The following LRBA variants were observed in gnomAD, a reference collection of about 807,000 sequenced individuals.
LRBA encodes the protein lipopolysaccharide-responsive and beige-like anchor protein.
In LRBA, 176 loss-of-function variants were observed where a neutral mutation model predicts 330.0. The ratio of observed to expected loss-of-function variants is 0.53; its 90% CI spans 0.47 to 0.60. LRBA has a LOEUF of 0.60. Among genes scored for constraint, LRBA ranks in the 20% least tolerant of loss-of-function variants. LRBA has a pLI of 0.00. For synonymous variants in LRBA, 1,230 were observed against 1,193.0 expected (o/e 1.03, Z -0.64); for missense variants, 3,259 against 3,444.8 (o/e 0.95, Z 1.35).
In LRBA at chr4:150,881,326, T is replaced by C. The variant is rs372210923; in HGVS notation, c.2166-8571A>G. 4.7e-3 allele frequency among the ~76,000 whole-genome samples: 710 copies of C among 152,304 alleles called. 7 individuals are homozygous for C. Among genetic ancestry groups the C allele is most frequent in the African/African-American group, 0.016 (677 of 41,552 alleles). The stretch of plus-strand genomic sequence containing the variant: ...GTAATACATATACACCAAAGAATAC[T>C]ACACAGCCATAAAAATAAACCAAAA... On this transcript the variant is annotated intron_variant, in intron 17 of 56. Transcript: ENST00000651943.
rs556224477 is a variant in LRBA, at chr4:150,946,769, T to C, written c.217-17704A>G. On this transcript the variant is annotated intron_variant, in intron 2 of 56. Transcript: ENST00000651943. ...AAGCAGAAGTCAGTGAAGTAGAAAG[T>C]AGGAAAACAATAATCAATGAAGAGC... is the stretch of plus-strand genomic sequence containing the variant. 9.9e-5 allele frequency among the ~76,000 whole-genome samples: 15 copies of C among 151,816 alleles called. No individual in the cohort carries two copies. The East Asian group carries it at 2.7e-3, about 27-fold the overall frequency.
rs185715554 is a variant in LRBA at position 150,967,672 on chromosome 4, G to A, written c.217-38607C>T. 1.6e-4 allele frequency among the ~76,000 whole-genome samples: 24 copies of A among 152,290 alleles called. 1 individual carries two copies. The highest frequency in any genetic ancestry group is 1.5e-3 in the Admixed American group (23 of 15,304). On this transcript the variant is annotated intron_variant, in intron 2 of 56. Transcript: ENST00000651943. ...ATTGGCACCATTTTTCCAACAGCAT[G>A]TGCTTGCTTTGTGTTTCTGTGTCAC...
At chr4:150,974,942 G>A (rs1041038011) in intron 2 of LRBA, among the ~76,000 whole-genome samples, 4 of 152,062 alleles carry the variant, frequency 2.6e-5, no homozygotes, top group African/African-American at 7.2e-5. Flanking sequence ...TAGAAAGCAG[G>A]CCAAAACTTG....
intron 37 of LRBA, among the ~76,000 whole-genome samples, chr4:150,641,184 C>T (rs1251739648): frequency 6.6e-6 from 1 of 152,134 alleles, no homozygotes; most frequent in East Asian, 1.9e-4. Flanking sequence ...TTTTACCATA[C>T]ACATTTCGCA....
At chr4:150,532,811 A>G (rs962269919) in intron 40 of LRBA, among the ~76,000 whole-genome samples, 1 of 152,144 alleles carries the variant, frequency 6.6e-6, no homozygotes, top group African/African-American at 2.4e-5. Flanking sequence ...TTTCAAAAGA[A>G]AAAAGAAAAA....
At chr4:150,613,726 A>C (rs1442893945) in intron 37 of LRBA, among the ~76,000 whole-genome samples, 1 of 152,222 alleles carries the variant, frequency 6.6e-6, no homozygotes, top group Non-Finnish European at 1.5e-5. Flanking sequence ...AATGCTTTGC[A>C]TCTCTGGCGG....
intron 22 of LRBA, among the ~76,000 whole-genome samples, chr4:150,857,931 A>C (rs1751418021): frequency 6.6e-6 from 1 of 152,186 alleles, no homozygotes; most frequent in Non-Finnish European, 1.5e-5. Context: ...CATATCATTA[A>C]ATAATACTCT....
intron 40 of LRBA, chr4:150,584,127 GA>G (rs752884805): frequency 1.3e-6 from 2 of 1,506,094 alleles, no homozygotes; most frequent in Non-Finnish European, 1.8e-6. Context: ...GGGACTGCTT[GA>G]AAAGCGACAC....
chr4:150,530,309 T>C (rs1219390246), intron 40 of LRBA, among the ~76,000 whole-genome samples: 2 of 152,056 alleles, frequency 1.3e-5, no homozygotes, highest in Non-Finnish European at 2.9e-5. Context: ...CAAGGGAGTA[T>C]AGAAAATCTG....
intron 48 of LRBA, among the ~76,000 whole-genome samples, chr4:150,334,559 T>A (rs1415394024): frequency 1.3e-5 from 2 of 152,224 alleles, no homozygotes; most frequent in East Asian, 3.9e-4. Context: ...TACATACATA[T>A]GCATGAACAC....
intron 2 of LRBA, among the ~76,000 whole-genome samples, chr4:151,012,146 T>C (rs1744932675): frequency 6.6e-6 from 1 of 151,782 alleles, no homozygotes; most frequent in Admixed American, 6.6e-5. Flanking sequence ...CTGAACAGAC[T>C]CTTCTCTCTC....
At chr4:150,343,410 A>G (rs1159676491) in intron 48 of LRBA, among the ~76,000 whole-genome samples, 1 of 152,218 alleles carries the variant, frequency 6.6e-6, no homozygotes, top group African/African-American at 2.4e-5. Flanking sequence ...CCCCATTAGA[A>G]TGTGAGCTCC....
At chr4:150,719,963 C>T (rs533788325) in intron 36 of LRBA, among the ~76,000 whole-genome samples, 22 of 152,112 alleles carry the variant, frequency 1.4e-4, no homozygotes, top group African/African-American at 5.1e-4. Context: ...AAATATTTAA[C>T]AAAATCTTAG....
chr4:150,897,721 TAAG>T lies in LRBA; in HGVS notation c.2004+15_2004+17del. On this transcript the variant is annotated intron_variant, in intron 15 of 56. Coordinates refer to ENST00000651943, the MANE Select transcript of LRBA (RefSeq NM_001364905.1). Reference sequence around the variant, plus strand: ...CTTCAATACACGGTATGCTATGGAATAAGCAACGTGAACTCACCTTCATCACTA... The same window carrying T: ...CTTCAATACACGGTATGCTATGGAATCAACGTGAACTCACCTTCATCACTA... The T allele has an allele frequency of 1.3e-6, 2 of 1,550,178 alleles. No homozygotes were observed. Among genetic ancestry groups the T allele is most frequent in the Admixed American group, 3.3e-5 (2 of 59,702 alleles).
chr4:150,334,150 A>C (rs1199906673), intron 48 of LRBA, among the ~76,000 whole-genome samples: 1 of 152,182 alleles, frequency 6.6e-6, no homozygotes, highest in Non-Finnish European at 1.5e-5. Context: ...GAGTCTTCTA[A>C]GATTAAAATG....
At chr4:150,403,619 C>T (rs1350904126) in intron 47 of LRBA, among the ~76,000 whole-genome samples, 3 of 151,886 alleles carry the variant, frequency 2.0e-5, no homozygotes, top group Admixed American at 2.0e-4. Context: ...TGGACAAGCA[C>T]TAAGTTACCA....
At chr4:150,679,842 G>A (rs1782895085) in intron 37 of LRBA, among the ~76,000 whole-genome samples, 1 of 152,110 alleles carries the variant, frequency 6.6e-6, no homozygotes, top group Non-Finnish European at 1.5e-5. Flanking sequence ...ATTTTTTAGA[G>A]ATGAGAACCA....
chr4:150,271,888 T>C (rs1746162028), intron 56 of LRBA, among the ~76,000 whole-genome samples: 1 of 152,046 alleles, frequency 6.6e-6, no homozygotes, highest in Non-Finnish European at 1.5e-5. Flanking sequence ...AACCCCCATC[T>C]CCCTGGGACA....
chr4:150,507,905 T>C (rs1214841262), intron 40 of LRBA, among the ~76,000 whole-genome samples: 1 of 151,940 alleles, frequency 6.6e-6, no homozygotes, highest in African/African-American at 2.4e-5. Flanking sequence ...CCATAAAAAA[T>C]GATGAGTTCA....
Sources: gnomAD v4.1 joint callset for allele counts (sites outside exome capture counted in the v4.1 genomes callset) on GRCh38, gnomAD v4.1.1 for gene constraint, MANE v1.5 for transcripts, NCBI Gene and HGNC (gene_info 2026-07-23, HGNC 2026-07-21) for gene names.